Variants in CFAP99 observed in about 807,000 individuals in gnomAD.
CFAP99 encodes cilia- and flagella-associated protein 99.
In CFAP99, 84 loss-of-function variants were observed where a neutral mutation model predicts 82.7. The ratio of observed to expected loss-of-function variants is 1.02; its 90% CI spans 0.85 to 1.22. CFAP99 has a LOEUF of 1.22. CFAP99 is among the 50% of genes most tolerant of loss of function. The probability of loss-of-function intolerance (pLI) is 0.00; values close to 1 mark genes in which losing one functional copy is unlikely to be tolerated. For missense variants in CFAP99, 1,059 were observed against 983.5 expected, an observed-to-expected ratio of 1.08 and a Z score of -1.03; for synonymous variants, 456 against 429.5, an observed-to-expected ratio of 1.06 and a Z score of -0.76.
exon 6 of CFAP99, chr4:2,445,289 T>C: frequency 7.3e-7 from 1 of 1,365,212 alleles, no homozygotes; most frequent in Middle Eastern, 1.9e-4. Flanking sequence ...CCAGTCCCGG[T>C]CGTGGCCAAG....
At chr4:2,459,946 G>C in intron 13 of CFAP99, 91 bp from the exon 14 acceptor site, 2 of 1,163,516 alleles carry the variant, frequency 1.7e-6, no homozygotes, top group East Asian at 2.6e-5. Flanking sequence ...GTGGGCAAGG[G>C]GTGGGCCTAT....
chr4:2,421,613 T>A (rs1733587676), intron 1 of CFAP99, among the ~76,000 whole-genome samples: 1 of 152,166 alleles, frequency 6.6e-6, no homozygotes, highest in Non-Finnish European at 1.5e-5. Context: ...CTTCCCAAAG[T>A]GCTGGGATTA....
exon 13 of CFAP99, chr4:2,459,243 C>G (rs750839625): frequency 6.5e-7 from 1 of 1,534,378 alleles, no homozygotes; most frequent in South Asian, 1.2e-5. Flanking sequence ...AGGGCAAGCT[C>G]GTGGACCTGA....
At chr4:2,443,633 T>G (rs1411707782) in intron 5 of CFAP99, among the ~76,000 whole-genome samples, 1 of 152,124 alleles carries the variant, frequency 6.6e-6, no homozygotes, top group Non-Finnish European at 1.5e-5. Context: ...TGCAGGGCCT[T>G]TGGCCTCTCT....
chr4:2,428,908 G>T (rs1236973434), intron 2 of CFAP99: 1 of 152,294 alleles, frequency 6.6e-6, no homozygotes, highest in African/African-American at 2.4e-5. Context: ...GTCAGTAGAT[G>T]AATGAATCCA....
Position 2,461,130 on chromosome 4 carries a change from C to A in CFAP99, c.1661+888C>A, listed in dbSNP as rs112036734. On this transcript the variant is annotated intron_variant, in intron 14 of 14. Coordinates refer to ENST00000635017, the Ensembl canonical transcript of CFAP99. ...TAGCTCGTTTGCATGCACACACATA[C>A]AGATGCCTTTTTACTTGTTTGGGGG... Among the ~76,000 whole-genome samples the A allele has an allele frequency of 5.7e-3, 864 of 152,314 alleles. 9 individuals carry two copies. Among genetic ancestry groups the A allele is most frequent in the Non-Finnish European group, 8.5e-3 (578 of 68,024 alleles).
intron 4 of CFAP99, among the ~76,000 whole-genome samples, chr4:2,441,750 C>T (rs536649461): frequency 7.9e-5 from 12 of 152,290 alleles, no homozygotes; most frequent in East Asian, 1.9e-4. Context: ...CTTCCTGCCT[C>T]GGGGCTCCAG....
exon 2 of CFAP99, chr4:2,426,581 C>G (rs753842010): frequency 6.5e-7 from 1 of 1,534,456 alleles, no homozygotes; most frequent in South Asian, 1.2e-5. Flanking sequence ...GGCCACCTCC[C>G]TGCAGGTAGG....
intron 11 of CFAP99, among the ~76,000 whole-genome samples, chr4:2,454,760 C>CA (rs931930835): frequency 2.0e-4 from 30 of 150,448 alleles, no homozygotes; most frequent in African/African-American, 7.3e-4. Flanking sequence ...TAGCCGGGAC[C>CA]ACAGATGCAC....
rs1415488278 is a variant in CFAP99 at position 2,459,066 on chromosome 4, G to A, written c.1304-41G>A. ...TGCCTTCCTGTCCAGCCCCTGCCCTGCCACCCACCAGCCACCTCAGCTCCT... is the reference window on the plus strand; with the variant it reads ...TGCCTTCCTGTCCAGCCCCTGCCCTACCACCCACCAGCCACCTCAGCTCCT... On this transcript the variant is annotated intron_variant, in intron 12 of 14. Coordinates refer to ENST00000635017, the Ensembl canonical transcript of CFAP99. The A allele has an allele frequency of 1.5e-5, 22 of 1,477,064 alleles. No individual in the cohort carries two copies. In the South Asian group the frequency reaches 2.6e-4, roughly 18 times the overall value. 91.5% of individuals were successfully genotyped at this position (1,477,064 alleles called of 1,614,324 possible). A position where few individuals can be genotyped will look rare whatever the true frequency, so the allele number is the denominator to read the frequency against.
At chr4:2,440,738 G>A (rs777191113) in intron 4 of CFAP99, among the ~76,000 whole-genome samples, 5 of 151,596 alleles carry the variant, frequency 3.3e-5, no homozygotes, top group Non-Finnish European at 5.9e-5. Flanking sequence ...GACTACAGGC[G>A]CCCGCCACCA....
chr4:2,452,283 C>T (rs547994156), exon 11 of CFAP99: 13 of 1,535,726 alleles, frequency 8.5e-6, no homozygotes, highest in African/African-American at 5.5e-5. Flanking sequence ...ATGAGGAGGC[C>T]GTCCTAGCCC....
intron 10 of CFAP99, among the ~76,000 whole-genome samples, chr4:2,451,693 C>T (rs1414603937): frequency 6.7e-6 from 1 of 150,322 alleles, no homozygotes; most frequent in African/African-American, 2.5e-5. Flanking sequence ...CCTGTGCTTA[C>T]CCCATGCGGT....
chr4:2,462,986 AAG>A (rs1734670517), downstream of CFAP99: 2 of 968,670 alleles, frequency 2.1e-6, no homozygotes, highest in Non-Finnish European at 2.7e-6. The surrounding 1 kb of genome is among the most constrained non-coding windows in gnomAD (Gnocchi z 4.1). Context: ...CGCCCCAATA[AAG>A]AGTGCGGCCC....
At chr4:2,434,341 C>T (rs555873831) in intron 2 of CFAP99, among the ~76,000 whole-genome samples, 2 of 152,242 alleles carry the variant, frequency 1.3e-5, no homozygotes, top group African/African-American at 4.8e-5. Flanking sequence ...AATGAACAAA[C>T]GTCACCATAG....
intron 4 of CFAP99, 21 bp from the exon 5 acceptor site, chr4:2,443,109 G>T (rs1289878710): frequency 2.2e-6 from 3 of 1,393,348 alleles, no homozygotes; most frequent in Non-Finnish European, 2.9e-6. Flanking sequence ...CCGGCCCCCT[G>T]ACAGCCCCCG....
intron 2 of CFAP99, chr4:2,428,724 C>T (rs1439794667): frequency 2.0e-5 from 3 of 152,826 alleles, no homozygotes; most frequent in African/African-American, 7.2e-5. Flanking sequence ...TCGGGCCTCC[C>T]CTGTCGGGTG....
chr4:2,433,337 A>G (rs1008091938), intron 2 of CFAP99, among the ~76,000 whole-genome samples: 6 of 149,490 alleles, frequency 4.0e-5, no homozygotes, highest in African/African-American at 1.5e-4. Flanking sequence ...CAAAGTCATC[A>G]CCCTCAGCGG....
At chr4:2,449,128 G>T (rs1265433303) in intron 6 of CFAP99, among the ~76,000 whole-genome samples, 2 of 152,060 alleles carry the variant, frequency 1.3e-5, no homozygotes, top group African/African-American at 4.8e-5. Flanking sequence ...GGGATATCTA[G>T]GCCGGCCCCC....
Sources: allele counts gnomAD v4.1 joint callset (sites outside exome capture counted in the v4.1 genomes callset), GRCh38; gene constraint gnomAD v4.1.1; non-coding constraint Gnocchi (gnomAD v3.1); transcripts MANE v1.5; gene names NCBI Gene and HGNC (gene_info 2026-07-23, HGNC 2026-07-21).